PRMT8: variants seen among roughly 807,000 people sequenced by gnomAD.
The protein encoded by PRMT8 is protein arginine methyltransferase 8, also known as protein arginine N-methyltransferase 8.
In PRMT8, 7 loss-of-function variants were observed where a neutral mutation model predicts 47.1. The observed-to-expected ratio is 0.15, with a 90% CI of 0.08 to 0.28. PRMT8 has a LOEUF of 0.28. PRMT8 is among the 10% of genes least tolerant of loss of function. The pLI is 1.00. For missense variants in PRMT8, 237 were observed against 505.4 expected, an observed-to-expected ratio of 0.47 and a Z score of 5.09; for synonymous variants, 188 against 186.5, an observed-to-expected ratio of 1.01 and a Z score of -0.07.
chr12:3,548,752 A>T (rs1434985033), intron 2 of PRMT8, among the ~76,000 whole-genome samples: 2 of 152,182 alleles, frequency 1.3e-5, no homozygotes, highest in Non-Finnish European at 2.9e-5. Flanking sequence ...TGGTACAACT[A>T]GTCTGGAAAA....
chr12:3,542,060 T>C (rs1198913179), intron 2 of PRMT8, among the ~76,000 whole-genome samples: 1 of 152,246 alleles, frequency 6.6e-6, no homozygotes, highest in Non-Finnish European at 1.5e-5. Flanking sequence ...TTTCTTTCCA[T>C]CTGGAAACTG....
At chr12:3,515,007 G>A (rs992806491) in intron 1 of PRMT8, among the ~76,000 whole-genome samples, 1 of 152,066 alleles carries the variant, frequency 6.6e-6, no homozygotes, top group Non-Finnish European at 1.5e-5. Context: ...GGCACTTTTC[G>A]AAGCTTTCTA....
intron 1 of PRMT8, among the ~76,000 whole-genome samples, chr12:3,515,931 T>A (rs7972248): frequency 2.0e-5 from 3 of 152,230 alleles, no homozygotes; most frequent in African/African-American, 4.8e-5. Flanking sequence ...CTCTGTCTTT[T>A]GCTGCTCTTC....
chr12:3,575,494 G>C (rs1224186773), intron 6 of PRMT8, among the ~76,000 whole-genome samples: 1 of 152,234 alleles, frequency 6.6e-6, no homozygotes, highest in Admixed American at 6.5e-5. Context: ...TTGCATTCCT[G>C]GTTGCTGTCA....
intron 1 of PRMT8, among the ~76,000 whole-genome samples, chr12:3,537,462 G>A (rs754503069): frequency 1.3e-5 from 2 of 151,858 alleles, no homozygotes; most frequent in Admixed American, 6.6e-5. Flanking sequence ...CGTACTTCTC[G>A]GTTTATCATT....
chr12:3,545,372 CTTG>C (rs1866309929), intron 2 of PRMT8, among the ~76,000 whole-genome samples: 1 of 152,240 alleles, frequency 6.6e-6, no homozygotes, highest in East Asian at 1.9e-4. Context: ...TACCATCTGT[CTTG>C]TTGTCTTTGG....
chr12:3,593,473 C>T lies in PRMT8; in HGVS notation c.*291C>T. ...CGAGGGTGGAAACGTATTCGCGTCT[C>T]CCCGTCTCCTCCTTAACTGTGACTC... On this transcript the variant is annotated 3_prime_UTR_variant, in exon 10 of 10. Coordinates refer to ENST00000382622, the MANE Select transcript of PRMT8 (RefSeq NM_019854.5). The surrounding 1 kb of genome is among the most constrained non-coding windows in gnomAD (Gnocchi z 4.8). 1 of 407,066 alleles carries T rather than the reference C, an allele frequency of 2.5e-6. No individual in the cohort carries two copies. The highest frequency in any genetic ancestry group is 4.4e-6 in the Non-Finnish European group (1 of 225,532). 25.2% of individuals were successfully genotyped at this position (407,066 alleles called of 1,614,324 possible). A position where few individuals can be genotyped will look rare whatever the true frequency, so the allele number is the denominator to read the frequency against.
chr12:3,525,849 A>G (rs140448549), intron 1 of PRMT8, among the ~76,000 whole-genome samples: 8 of 152,310 alleles, frequency 5.3e-5, no homozygotes, highest in Non-Finnish European at 1.2e-4. Context: ...TTTTTCTCCA[A>G]TTGTTTTATT....
chr12:3,561,435 A>G (rs375563774), intron 4 of PRMT8, among the ~76,000 whole-genome samples: 2 of 152,182 alleles, frequency 1.3e-5, no homozygotes, highest in African/African-American at 4.8e-5. Flanking sequence ...ACCAAGAGTC[A>G]CATGTTTTTA....
intron 2 of PRMT8, 39 bp downstream of exon 2, chr12:3,540,830 G>A: frequency 6.3e-7 from 1 of 1,585,014 alleles, no homozygotes. Context: ...GGGCGAGGCT[G>A]ACTCTGCTGT....
At chr12:3,499,567 T>A (rs1865563290) in intron 1 of PRMT8, among the ~76,000 whole-genome samples, 1 of 4,480 alleles carries the variant, frequency 2.2e-4, no homozygotes, top group African/African-American at 1.3e-3. Context: ...ATGGTGTATA[T>A]GTGCCACATT....
In PRMT8 at chr12:3,564,422, G is replaced by A. The variant is rs1477657685; in HGVS notation, c.482-4284G>A. Among the ~76,000 whole-genome samples the A allele has an allele frequency of 6.6e-6, 1 of 152,200 alleles. No individual in the cohort carries two copies. The highest frequency in any genetic ancestry group is 2.4e-5 in the African/African-American group (1 of 41,450). On this transcript the variant is annotated intron_variant, in intron 4 of 9. Transcript: ENST00000382622. The surrounding 1 kb of genome is among the most constrained non-coding windows in gnomAD (Gnocchi z 4.0). ...TTTAAAAACAAAAATGACCATTAAT[G>A]AGAATGACTAGATTTCTGTAAGAAC... is the stretch of plus-strand genomic sequence containing the variant.
rs148807450 is a variant in PRMT8, at chr12:3,582,947, T to A, written c.829-111T>A. Reference sequence around the variant, plus strand: ...GGAAATCACCCCAAGAATAAAGATATCCCTCAGAGAGCTGACAGACCACAG... The same window carrying A: ...GGAAATCACCCCAAGAATAAAGATAACCCTCAGAGAGCTGACAGACCACAG... On this transcript the variant is annotated intron_variant, in intron 7 of 9. Coordinates refer to ENST00000382622, the MANE Select transcript of PRMT8 (RefSeq NM_019854.5). 1,064 of 1,280,040 alleles carry A rather than the reference T, an allele frequency of 8.3e-4. 19 individuals are homozygous for A. In the East Asian group the frequency reaches 0.025, roughly 30 times the overall value. The allele number at this position is 1,280,040 out of a possible 1,614,324, so 79.3% of individuals were successfully genotyped here.
chr12:3,415,768 C>T (rs970016174), intron 1 of PRMT8, among the ~76,000 whole-genome samples: 2 of 152,220 alleles, frequency 1.3e-5, no homozygotes, highest in African/African-American at 2.4e-5. Context: ...CCCTCACTGT[C>T]GTTGTATGCA....
intron 1 of PRMT8, among the ~76,000 whole-genome samples, chr12:3,472,519 C>G (rs956298340): frequency 1.3e-5 from 2 of 152,216 alleles, no homozygotes; most frequent in Non-Finnish European, 1.5e-5. Flanking sequence ...GACATTGGGA[C>G]AAGTTACTTA....
chr12:3,468,839 G>A (rs1865132383), intron 1 of PRMT8: 1 of 153,694 alleles, frequency 6.5e-6, no homozygotes, highest in Non-Finnish European at 1.4e-5. Flanking sequence ...TGAAAGTTTT[G>A]CACAAGCTCT....
At chr12:3,457,917 A>G (rs1864994022) in intron 1 of PRMT8, among the ~76,000 whole-genome samples, 1 of 132,016 alleles carries the variant, frequency 7.6e-6, no homozygotes, top group Non-Finnish European at 1.5e-5. Flanking sequence ...ATCTCAGCTC[A>G]CTGCAACCTC....
intron 1 of PRMT8, among the ~76,000 whole-genome samples, chr12:3,517,579 G>A (rs867707196): frequency 6.6e-6 from 1 of 152,134 alleles, no homozygotes; most frequent in African/African-American, 2.4e-5. Flanking sequence ...GAGGTCTTGG[G>A]GGTGGAAGAA....
At chr12:3,509,784 G>A (rs969504319) in intron 1 of PRMT8, among the ~76,000 whole-genome samples, 2 of 152,352 alleles carry the variant, frequency 1.3e-5, no homozygotes, top group East Asian at 1.9e-4. Context: ...AAGCAAGTCC[G>A]CAGTTAAGCT....
Sources: gnomAD v4.1 joint callset for allele counts (sites outside exome capture counted in the v4.1 genomes callset) on GRCh38, gnomAD v4.1.1 for gene constraint, Gnocchi (gnomAD v3.1) non-coding constraint, MANE v1.5 for transcripts, NCBI Gene and HGNC (gene_info 2026-07-23, HGNC 2026-07-21) for gene names.